The following CYP27C1 variants were observed in gnomAD, a reference collection of about 807,000 sequenced individuals.
CYP27C1 encodes the protein cytochrome P450 family 27 subfamily C member 1.
A neutral mutation model predicts 40.6 loss-of-function variants in CYP27C1; 29 were observed. The ratio of observed to expected loss-of-function variants is 0.71; its 90% CI spans 0.53 to 0.97. The LOEUF (loss-of-function observed/expected upper bound fraction) is 0.97, where lower values mean the gene tolerates loss of function less well. Among genes scored for constraint, CYP27C1 ranks in the 50% least tolerant of loss-of-function variants. The pLI, the probability that CYP27C1 is intolerant of heterozygous loss-of-function variation, is 0.00. For missense variants in CYP27C1, 390 were observed against 485.8 expected, an observed-to-expected ratio of 0.80 and a Z score of 1.85; for synonymous variants, 198 against 186.8, an observed-to-expected ratio of 1.06 and a Z score of -0.49.
Position 127,187,288 on chromosome 2 carries a change from ATCGCACGTGGATGGGCCCCCCTGGC to A in CYP27C1, c.1572_1596del (p.Pro525LeufsTer10). 1.2e-6 allele frequency: 2 copies of A among 1,614,060 alleles called. No individual in the cohort carries two copies. Among genetic ancestry groups the A allele is most frequent in the Non-Finnish European group, 1.7e-6 (2 of 1,179,990 alleles). ...ATCTAGGCTTACTTTCTGTTAACAAATCGCACGTGGATGGGCCCCCCTGGCGTCAGGAGCCCGTGGGTTTTTGCAT... is the reference window on the plus strand; with the variant it reads ...ATCTAGGCTTACTTTCTGTTAACAAAGTCAGGAGCCCGTGGGTTTTTGCAT... On this transcript the variant is annotated frameshift_variant, in exon 9 of 9. Coordinates refer to ENST00000664447, the MANE Select transcript of CYP27C1 (RefSeq NM_001367502.1). LOFTEE classifies it high-confidence loss of function.
intron 1 of CYP27C1, among the ~76,000 whole-genome samples, chr2:127,215,433 CAT>C (rs1683413426): frequency 6.6e-6 from 1 of 152,068 alleles, no homozygotes; most frequent in African/African-American, 2.4e-5. Flanking sequence ...TAGAAGAAAA[CAT>C]AAGGGTAAAT....
In CYP27C1 at chr2:127,200,157, T is replaced by C. The variant is rs1683000657; in HGVS notation, c.884-618A>G. ...ACCACGCCCAGCTAATTTTTGTATT[T>C]TTAGTAGAGACGCAGTTTCGCCATG... is the stretch of plus-strand genomic sequence containing the variant. On this transcript the variant is annotated intron_variant, in intron 4 of 8. Transcript: ENST00000664447. This position sits in a 1 kb window ranked among gnomAD's most constrained non-coding sequence, Gnocchi z 4.2. Among the ~76,000 whole-genome samples, 2 of 152,224 alleles carry C rather than the reference T, an allele frequency of 1.3e-5. No homozygotes were observed. The highest frequency in any genetic ancestry group is 4.8e-5 in the African/African-American group (2 of 41,464).
In CYP27C1 at chr2:127,209,503, T is replaced by C. The variant is rs1279085547; in HGVS notation, c.283-3413A>G. Among the ~76,000 whole-genome samples, 1 of 152,104 alleles carries C rather than the reference T, an allele frequency of 6.6e-6. No homozygotes were observed. Among genetic ancestry groups the C allele is most frequent in the African/African-American group, 2.4e-5 (1 of 41,400 alleles). ...TCTCCATCAAGAGCACAGAACTGGA[T>C]GGAGGATCAGATGGACGAATTGACA... On this transcript the variant is annotated intron_variant, in intron 1 of 8. Transcript: ENST00000664447. This position sits in a 1 kb window ranked among gnomAD's most constrained non-coding sequence, Gnocchi z 4.1.
rs111363085 is a variant in CYP27C1 at position 127,200,128 on chromosome 2, C to T, written c.884-589G>A. ...CCAAGTAGCTGGAATTACAGGCACGCGCCACCACGCCCAGCTAATTTTTGT... is the reference window on the plus strand; with the variant it reads ...CCAAGTAGCTGGAATTACAGGCACGTGCCACCACGCCCAGCTAATTTTTGT... On this transcript the variant is annotated intron_variant, in intron 4 of 8. Transcript: ENST00000664447. This position sits in a 1 kb window ranked among gnomAD's most constrained non-coding sequence, Gnocchi z 4.2. 0.015 allele frequency among the ~76,000 whole-genome samples: 2,227 copies of T among 152,294 alleles called. 55 individuals carry two copies. The highest frequency in any genetic ancestry group is 0.05 in the African/African-American group (2,093 of 41,548).
intron 5 of CYP27C1, 117 bp downstream of exon 5, chr2:127,199,259 C>G: frequency 1.5e-6 from 2 of 1,367,334 alleles, no homozygotes; most frequent in Non-Finnish European, 2.0e-6. Flanking sequence ...TGCACTCCAG[C>G]CTGGGCAATA....
chr2:127,199,585 T>A, intron 4 of CYP27C1, 46 bp from the exon 5 acceptor site: 1 of 1,551,772 alleles, frequency 6.4e-7, no homozygotes, highest in Non-Finnish European at 8.8e-7. Flanking sequence ...GGGTTGAGAA[T>A]CATCTTTTCA....
intron 7 of CYP27C1, 146 bp downstream of exon 7, chr2:127,193,643 C>T: frequency 1.1e-6 from 1 of 872,416 alleles, no homozygotes; most frequent in South Asian, 1.7e-5. Context: ...TTTCTCCCAA[C>T]ACCCCATCTT....
chr2:127,215,138 A>G (rs1683407789), intron 1 of CYP27C1, among the ~76,000 whole-genome samples: 1 of 152,002 alleles, frequency 6.6e-6, no homozygotes. Flanking sequence ...CAAAAAAAAA[A>G]AAAAAAAGAC....
At chr2:127,189,961 A>C (rs187684910) in intron 8 of CYP27C1, among the ~76,000 whole-genome samples, 97 of 152,320 alleles carry the variant, frequency 6.4e-4, no homozygotes, top group Non-Finnish European at 1.1e-3. Flanking sequence ...AAGGTTATGC[A>C]AGTCTCACAA....
chr2:127,197,192 C>A (rs546388911), intron 5 of CYP27C1, among the ~76,000 whole-genome samples: 43 of 152,210 alleles, frequency 2.8e-4, no homozygotes, highest in Non-Finnish European at 5.6e-4. Context: ...TTAATTTGAG[C>A]GAATCCACAC....
chr2:127,194,678 C>T (rs148079696), intron 6 of CYP27C1, among the ~76,000 whole-genome samples: 1 of 152,158 alleles, frequency 6.6e-6, no homozygotes, highest in East Asian at 1.9e-4. Context: ...TGCAAATCAG[C>T]TGAACAGGTC....
At chr2:127,190,494 C>T (rs1262259677) in intron 8 of CYP27C1, among the ~76,000 whole-genome samples, 1 of 150,728 alleles carries the variant, frequency 6.6e-6, no homozygotes, top group Non-Finnish European at 1.5e-5. Context: ...AGGCACCCGC[C>T]ACCAGGCCTG....
In CYP27C1 at chr2:127,196,856, T is replaced by C. The variant is rs1385042307; in HGVS notation, c.1048-1355A>G. The stretch of plus-strand genomic sequence containing the variant: ...AAGCCAGATGGAAAAGACAGCATGC[T>C]ATATGATTCCATTCTCATCAATGTT... On this transcript the variant is annotated intron_variant, in intron 5 of 8. Coordinates refer to ENST00000664447, the MANE Select transcript of CYP27C1 (RefSeq NM_001367502.1). This position sits in a 1 kb window ranked among gnomAD's most constrained non-coding sequence, Gnocchi z 4.5. Among the ~76,000 whole-genome samples, 1 of 152,238 alleles carries C rather than the reference T, an allele frequency of 6.6e-6. No individual in the cohort carries two copies. Among genetic ancestry groups the C allele is most frequent in the Non-Finnish European group, 1.5e-5 (1 of 68,036 alleles).
At chr2:127,198,408 C>T (rs1204104081) in intron 5 of CYP27C1, among the ~76,000 whole-genome samples, 1 of 152,076 alleles carries the variant, frequency 6.6e-6, no homozygotes, top group East Asian at 1.9e-4. Flanking sequence ...GTACCCTCTT[C>T]ATGTATGAAA....
At chr2:127,188,628 A>C (rs1682692180) in intron 8 of CYP27C1, among the ~76,000 whole-genome samples, 1 of 148,460 alleles carries the variant, frequency 6.7e-6, no homozygotes, top group Admixed American at 6.6e-5. Flanking sequence ...ATGAAAAAGG[A>C]ATGAATGATG....
In CYP27C1 at chr2:127,204,561, GAAAGAAAGAAAGAAAGAAAGAA is replaced by G. The variant is rs1558931414; in HGVS notation, c.474-1012_474-991del. ...AGAGAGAGAGAGAGAGAGAGAGAAAGAAAGAAAGAAAGAAAGAAAGAAAGAAAGAAAGAAAGAAAGAAAGAAA... is the reference window on the plus strand; with the variant it reads ...AGAGAGAGAGAGAGAGAGAGAGAAAGAGAAAGAAAGAAAGAAAGAAAGAAA... On this transcript the variant is annotated intron_variant, in intron 2 of 8. Transcript: ENST00000664447. Among the ~76,000 whole-genome samples, 477 of 56,076 alleles carry G rather than the reference GAAAGAAAGAAAGAAAGAAAGAA, an allele frequency of 8.5e-3. 6 individuals are homozygous for G. The highest frequency in any genetic ancestry group is 0.01 in the Non-Finnish European group (315 of 30,328). The allele number at this position is 56,076 out of a possible 152,430, so 36.8% of individuals were successfully genotyped here. A position where few individuals can be genotyped will look rare whatever the true frequency, so the allele number is the denominator to read the frequency against.
rs1021936440 is a variant in CYP27C1 at position 127,208,382 on chromosome 2, A to C, written c.283-2292T>G. ...CACAGAACTGTGCAACCTACAGGTC[A>C]GAAGATCCCACTCTCGAACCCATGC... On this transcript the variant is annotated intron_variant, in intron 1 of 8. Transcript: ENST00000664447. The surrounding 1 kb of genome is among the most constrained non-coding windows in gnomAD (Gnocchi z 5.2). Among the ~76,000 whole-genome samples, 1 of 152,222 alleles carries C rather than the reference A, an allele frequency of 6.6e-6. No individual in the cohort carries two copies. Among genetic ancestry groups the C allele is most frequent in the African/African-American group, 2.4e-5 (1 of 41,454 alleles).
chr2:127,204,332 G>C (rs1335503576), intron 2 of CYP27C1, among the ~76,000 whole-genome samples: 2 of 47,824 alleles, frequency 4.2e-5, no homozygotes, highest in Non-Finnish European at 7.3e-5. Context: ...GAGGGAGGGA[G>C]GGAGGGAGGG....
rs759836109 is a variant in CYP27C1 at position 127,193,136 on chromosome 2, C to T, written c.1455G>A (p.Gly485=). The T allele has an allele frequency of 8.1e-6, 13 of 1,614,220 alleles. No individual in the cohort carries two copies. The South Asian group carries it at 1.4e-4, about 18-fold the overall frequency. The change falls in exon 8 of 9, where the codon GGG becomes GGA. Residue 485 remains glycine, a synonymous_variant. Coordinates refer to ENST00000664447, the MANE Select transcript of CYP27C1 (RefSeq NM_001367502.1). ...GAATCTCCAGTTCTGCAATTCTCCG[C>T]CCTATGCAGCTGCGAACCCCATGAC... ...PFGHGVRSCI[G]RRIAELEIHL... is the part of the protein sequence containing the mutation.
Sources: allele counts gnomAD v4.1 joint callset (sites outside exome capture counted in the v4.1 genomes callset), GRCh38; gene constraint gnomAD v4.1.1; non-coding constraint Gnocchi (gnomAD v3.1); transcripts MANE v1.5; gene names NCBI Gene and HGNC (gene_info 2026-07-23, HGNC 2026-07-21).